NXNL2: variants seen among roughly 807,000 people sequenced by gnomAD.
The protein encoded by NXNL2 is nucleoredoxin like 2.
NXNL2 carries 7 observed loss-of-function variants against 11.1 expected under a neutral mutation model. The ratio of observed to expected loss-of-function variants is 0.63; its 90% CI spans 0.36 to 1.18. The LOEUF is 1.18. NXNL2 is among the 50% of genes most tolerant of loss of function. The probability of loss-of-function intolerance (pLI) is 0.02; values close to 1 mark genes in which losing one functional copy is unlikely to be tolerated. For synonymous variants in NXNL2, 109 were observed against 101.8 expected (o/e 1.07, Z -0.42); for missense variants, 233 against 217.7 (o/e 1.07, Z -0.44).
intron 2 of NXNL2, among the ~76,000 whole-genome samples, chr9:88,574,008 C>T (rs1054119468): frequency 6.6e-6 from 1 of 152,194 alleles, no homozygotes; most frequent in East Asian, 1.9e-4. Flanking sequence ...TCTGGAACAT[C>T]TGTATTCCTG....
chr9:88,535,538 C>T lies in NXNL2; in HGVS notation c.104C>T (p.Ala35Val). 6.2e-7 allele frequency: 1 copy of T among 1,605,968 alleles called. No homozygotes were observed. Residue 35 changes from alanine (A) to valine (V), a missense_variant, in exon 1 of 2, where the codon GCG becomes GTG. Transcript: ENST00000375854. ...QNKVVALYFAAARCAPSRDFT... is the reference protein window; with the variant it reads ...QNKVVALYFAVARCAPSRDFT... Reference sequence around the variant, plus strand: ...AAGGTGGTGGCACTGTACTTCGCGGCGGCCCGGTGCGCGCCGAGCCGCGAC... The same window carrying T: ...AAGGTGGTGGCACTGTACTTCGCGGTGGCCCGGTGCGCGCCGAGCCGCGAC...
chr9:88,572,661 A>G (rs1467556035), intron 2 of NXNL2, among the ~76,000 whole-genome samples: 5 of 152,204 alleles, frequency 3.3e-5, no homozygotes, highest in African/African-American at 1.2e-4. Flanking sequence ...AAGGGGGATC[A>G]TGAGTATCCC....
At position 88,550,834 on chromosome 9, in the gene NXNL2, C is replaced by G. The variant is rs192798833; in HGVS notation, c.302+15098C>G. ...TGGTCCAGGTTTCTGAAAAGCAACT[C>G]AAGAATATTGTTAAGGTGTAATCTT... is the stretch of plus-strand genomic sequence containing the variant. On this transcript the variant is annotated intron_variant, in intron 1 of 2. Coordinates refer to the NXNL2 transcript ENST00000375855. Among the ~76,000 whole-genome samples, 91 of 152,308 alleles carry G rather than the reference C, an allele frequency of 6.0e-4. No individual in the cohort carries two copies. In the Middle Eastern group the frequency reaches 0.01, roughly 17 times the overall value.
In NXNL2 at chr9:88,544,655, T is replaced by C; in HGVS notation, c.*108T>C. On this transcript the variant is annotated 3_prime_UTR_variant, in exon 2 of 2. Transcript: ENST00000375854. The stretch of plus-strand genomic sequence containing the variant: ...TTCCTCTGTTGGTGTGATTTCATTG[T>C]ATTTCAGAGCAGAAGCACTAAGCTG... The C allele has an allele frequency of 7.0e-7, 1 of 1,434,914 alleles. No individual in the cohort carries two copies. Among genetic ancestry groups the C allele is most frequent in the Non-Finnish European group, 9.2e-7 (1 of 1,092,596 alleles). 88.9% of individuals were successfully genotyped at this position (1,434,914 alleles called of 1,614,324 possible).
chr9:88,552,473 G>GTTTTTTTTTT (rs59133640), intron 1 of NXNL2, among the ~76,000 whole-genome samples: 2 of 131,566 alleles, frequency 1.5e-5, no homozygotes, highest in African/African-American at 5.6e-5. Flanking sequence ...AAACATGCAT[G>GTTTTTTTTTT]TTTTTTTTTT....
rs1246103830 is a variant in NXNL2 at position 88,535,532 on chromosome 9, TCGCGGCGGCCCGGTGCGCGCCGAGC to T, written c.103_127del (p.Ala35ThrfsTer61). 9 of 1,608,240 alleles carry T rather than the reference TCGCGGCGGCCCGGTGCGCGCCGAGC, an allele frequency of 5.6e-6. No homozygotes were observed. Among genetic ancestry groups the T allele is most frequent in the Non-Finnish European group, 7.6e-6 (9 of 1,179,082 alleles). Reference sequence around the variant, plus strand: ...CAGAACAAGGTGGTGGCACTGTACTTCGCGGCGGCCCGGTGCGCGCCGAGCCGCGACTTCACGCCGCTGCTCTGCG... The same window carrying T: ...CAGAACAAGGTGGTGGCACTGTACTTCGCGACTTCACGCCGCTGCTCTGCG... On this transcript the variant is annotated frameshift_variant, in exon 1 of 2. Transcript: ENST00000375854. LOFTEE classifies it high-confidence loss of function.
At position 88,540,632 on chromosome 9, in the gene NXNL2, A is replaced by G. The variant is rs1040225179; in HGVS notation, c.303-3747A>G. Among the ~76,000 whole-genome samples the G allele has an allele frequency of 3.9e-4, 60 of 152,132 alleles. 1 individual carries two copies. Among genetic ancestry groups the G allele is most frequent in the Non-Finnish European group, 1.5e-5 (1 of 68,022 alleles). On this transcript the variant is annotated intron_variant, in intron 1 of 1. Coordinates refer to ENST00000375854, the MANE Select transcript of NXNL2 (RefSeq NM_001161625.2). ...CTGCTGTGTCTTTTTTTCACTGTGC[A>G]TGATAGGTTTTAGAGAATAGTTTAC...
At chr9:88,581,948 G>T (rs1388414990) in intron 1 of NXNL2, among the ~76,000 whole-genome samples, 1 of 152,192 alleles carries the variant, frequency 6.6e-6, no homozygotes, top group Non-Finnish European at 1.5e-5. Context: ...GGTTCTGGTG[G>T]CTGCAGCCCA....
At chr9:88,583,262 C>T (rs974325093) in intron 1 of NXNL2, among the ~76,000 whole-genome samples, 4 of 152,216 alleles carry the variant, frequency 2.6e-5, no homozygotes, top group Non-Finnish European at 5.9e-5. Context: ...AGCCCTAATG[C>T]GTGGCATGCT....
intron 1 of NXNL2, among the ~76,000 whole-genome samples, chr9:88,551,138 T>C (rs534042588): frequency 1.3e-5 from 2 of 152,346 alleles, no homozygotes; most frequent in African/African-American, 4.8e-5. Context: ...ACTTTCATGA[T>C]GCCTTAGCAA....
rs1353004944 is a variant in NXNL2, at chr9:88,544,527, T to C, written c.451T>C (p.Phe151Leu). Reference sequence around the variant, plus strand: ...GGACTGGGTGGAGGCGGCCGATATCTTCCAGAATTTCTCCGTTTGAAGTGG... The same window carrying C: ...GGACTGGGTGGAGGCGGCCGATATCCTCCAGAATTTCTCCGTTTGAAGTGG... ...FQDWVEAADI[F>L]QNFSV The change falls in exon 2 of 2, where the codon TTC (phenylalanine) becomes CTC (leucine). Residue 151 changes from phenylalanine (F) to leucine (L), a missense_variant. Coordinates refer to ENST00000375854, the MANE Select transcript of NXNL2 (RefSeq NM_001161625.2). 1.9e-6 allele frequency: 3 copies of C among 1,540,950 alleles called. No homozygotes were observed.
At position 88,535,401 on chromosome 9, in the gene NXNL2, G is replaced by T; in HGVS notation, c.-34G>T. On this transcript the variant is annotated 5_prime_UTR_variant, in exon 1 of 2. Transcript: ENST00000375854. Reference sequence around the variant, plus strand: ...CGCAGGTGATCATCCTCCTGCAGGTGTCCTCGGGTCTCAGGTGGCTGCGTG... The same window carrying T: ...CGCAGGTGATCATCCTCCTGCAGGTTTCCTCGGGTCTCAGGTGGCTGCGTG... 6.5e-7 allele frequency: 1 copy of T among 1,544,494 alleles called. No homozygotes were observed. Among genetic ancestry groups the T allele is most frequent in the South Asian group, 1.2e-5 (1 of 81,086 alleles).
chr9:88,554,494 C>G (rs557182586), intron 1 of NXNL2, among the ~76,000 whole-genome samples: 2 of 152,140 alleles, frequency 1.3e-5, no homozygotes, highest in Non-Finnish European at 2.9e-5. Flanking sequence ...CATGAGCCAC[C>G]GCACCCAGAC....
intron 1 of NXNL2, among the ~76,000 whole-genome samples, chr9:88,536,005 C>T (rs1829610134): frequency 6.6e-6 from 1 of 152,176 alleles, no homozygotes; most frequent in Admixed American, 6.5e-5. Flanking sequence ...GCGTTTCTGC[C>T]TGGGGTCTGG....
At chr9:88,564,285 T>TCTATCATC (rs1554706562) in intron 1 of NXNL2, among the ~76,000 whole-genome samples, 216 of 140,258 alleles carry the variant, frequency 1.5e-3, no homozygotes, top group African/African-American at 5.7e-3. Context: ...TATCTATCTA[T>TCTATCATC]TATCTATCTA....
At position 88,535,586 on chromosome 9, in the gene NXNL2, T is replaced by A. The variant is rs753536511; in HGVS notation, c.152T>A (p.Phe51Tyr). 6.2e-7 allele frequency: 1 copy of A among 1,609,682 alleles called. No individual in the cohort carries two copies. The highest frequency in any genetic ancestry group is 1.1e-5 in the South Asian group (1 of 90,954). Reference sequence around the variant, plus strand: ...GACTTCACGCCGCTGCTCTGCGACTTCTATACGGCGCTGGTGGCCGAGGCG... The same window carrying A: ...GACTTCACGCCGCTGCTCTGCGACTACTATACGGCGCTGGTGGCCGAGGCG... ...SRDFTPLLCD[F>Y]YTALVAEARR... The change falls in exon 1 of 2, where the codon TTC becomes TAC. Residue 51 changes from phenylalanine to tyrosine, a missense_variant. Phe to Tyr is a conservative substitution (Grantham distance 22, BLOSUM62 3). Transcript: ENST00000375854.
At chr9:88,572,475 G>A (rs1830285769) in intron 2 of NXNL2, among the ~76,000 whole-genome samples, 3 of 152,176 alleles carry the variant, frequency 2.0e-5, no homozygotes, top group South Asian at 4.1e-4. Context: ...TGTTAAACAT[G>A]CACAGTACAC....
chr9:88,570,891 C>A (rs1415255429), intron 1 of NXNL2, among the ~76,000 whole-genome samples: 1 of 151,030 alleles, frequency 6.6e-6, no homozygotes, highest in Admixed American at 6.6e-5. Flanking sequence ...TACAGGAGTG[C>A]ACCACCATGC....
At chr9:88,546,148 C>CGCGTGTGTGT (rs1554705102), downstream of NXNL2, among the ~76,000 whole-genome samples, 1,100 of 147,470 alleles carry the variant, frequency 7.5e-3, 20 homozygotes, top group African/African-American at 0.026. Flanking sequence ...ACTGAGTGTT[C>CGCGTGTGTGT]GTGTGTGTGT....
Sources: allele counts gnomAD v4.1 joint callset (sites outside exome capture counted in the v4.1 genomes callset), GRCh38; gene constraint gnomAD v4.1.1; transcripts MANE v1.5; gene names NCBI Gene and HGNC (gene_info 2026-07-23, HGNC 2026-07-21).